The following SYT1 variants were observed in gnomAD, a reference collection of about 807,000 sequenced individuals.
SYT1 encodes synaptotagmin-1.
A neutral mutation model predicts 44.8 loss-of-function variants in SYT1; 8 were observed. The observed-to-expected ratio is 0.18, with a 90% CI of 0.10 to 0.32. The LOEUF (loss-of-function observed/expected upper bound fraction) is 0.32, where lower values mean the gene tolerates loss of function less well. SYT1 is among the 10% of genes least tolerant of loss of function. SYT1 has a pLI of 1.00. For synonymous variants in SYT1, 154 were observed against 188.8 expected (o/e 0.82, Z 1.51); for missense variants, 286 against 509.3 (o/e 0.56, Z 4.22).
At chr12:79,119,858 A>G in intron 3 of SYT1, among the ~76,000 whole-genome samples, 1 of 151,984 alleles carries the variant, frequency 6.6e-6, no homozygotes, top group South Asian at 2.1e-4. Flanking sequence ...TTGAGTAAGG[A>G]CAGAAGCTAA....
chr12:78,930,915 T>A (rs11111924), intron 1 of SYT1, among the ~76,000 whole-genome samples: 10 of 151,770 alleles, frequency 6.6e-5, no homozygotes, highest in African/African-American at 2.4e-4. Flanking sequence ...GGAAATAATG[T>A]GTTGCTATAC....
chr12:79,186,375 A>G (rs2138431771), intron 3 of SYT1, among the ~76,000 whole-genome samples: 1 of 152,050 alleles, frequency 6.6e-6, no homozygotes, highest in Non-Finnish European at 1.5e-5. Flanking sequence ...CTAGTCTTAC[A>G]TTGCTTGACA....
At chr12:79,172,268 C>A (rs984995841) in intron 3 of SYT1, among the ~76,000 whole-genome samples, 4 of 151,724 alleles carry the variant, frequency 2.6e-5, no homozygotes, top group African/African-American at 9.7e-5. Flanking sequence ...CATTGAATAA[C>A]CTAACTTTAG....
chr12:78,950,887 G>C (rs1350217301), intron 1 of SYT1, among the ~76,000 whole-genome samples: 1 of 152,102 alleles, frequency 6.6e-6, no homozygotes, highest in African/African-American at 2.4e-5. Context: ...AGTTGCCATA[G>C]TGCTCTAGCC....
intron 9 of SYT1, among the ~76,000 whole-genome samples, chr12:79,363,911 A>C (rs1427905868): frequency 6.6e-6 from 1 of 152,124 alleles, no homozygotes; most frequent in Non-Finnish European, 1.5e-5. Flanking sequence ...GAGAGCAGGG[A>C]TTGTGTCTAC....
At chr12:79,293,846 T>C (rs1180529041) in intron 6 of SYT1, among the ~76,000 whole-genome samples, 1 of 152,182 alleles carries the variant, frequency 6.6e-6, no homozygotes, top group East Asian at 1.9e-4. Flanking sequence ...CATTATTGGT[T>C]TACAGGTTCA....
intron 3 of SYT1, among the ~76,000 whole-genome samples, chr12:79,171,042 T>C (rs111973435): frequency 3.9e-5 from 6 of 152,026 alleles, no homozygotes; most frequent in African/African-American, 1.4e-4. Context: ...TTCTGTTCCA[T>C]TGGTCTATGT....
At chr12:78,923,900 T>C (rs185924435) in intron 1 of SYT1, among the ~76,000 whole-genome samples, 7 of 152,072 alleles carry the variant, frequency 4.6e-5, no homozygotes, top group African/African-American at 9.6e-5. Flanking sequence ...TCAGATTTCA[T>C]AGGTTTCCCA....
chr12:79,354,956 C>A (rs1474998149), intron 9 of SYT1, among the ~76,000 whole-genome samples: 1 of 152,082 alleles, frequency 6.6e-6, no homozygotes, highest in African/African-American at 2.4e-5. Flanking sequence ...GCCAACCATC[C>A]CCTCATAACC....
At chr12:79,019,077 T>G (rs889794486) in intron 2 of SYT1, among the ~76,000 whole-genome samples, 3 of 152,048 alleles carry the variant, frequency 2.0e-5, no homozygotes, top group African/African-American at 7.2e-5. Flanking sequence ...ATTTTATATT[T>G]CTTTATATCT....
intron 3 of SYT1, among the ~76,000 whole-genome samples, chr12:79,163,531 G>A (rs780205428): frequency 2.0e-5 from 3 of 152,030 alleles, no homozygotes; most frequent in Non-Finnish European, 2.9e-5. Context: ...TCTAAAGAAG[G>A]ACTTCACAGC....
chr12:78,865,143 G>A (rs1002115673), intron 1 of SYT1, 34 bp downstream of exon 1: 1 of 152,266 alleles, frequency 6.6e-6, no homozygotes. Context: ...CGGCCACCTC[G>A]GCGGTGCCTA....
Position 79,296,173 on chromosome 12 carries a change from A to G in SYT1, c.579A>G (p.Lys193=). ...KVFLLPDKKK[K]FETKVHRKTL... is the part of the protein sequence containing the mutation. ...TTCTGCTACCTGATAAGAAGAAGAA[A>G]TTTGAGACAAAAGTCCACCGAAAAA... The change falls in exon 7 of 11, where the codon AAA becomes AAG. Residue 193 remains lysine, a synonymous_variant. Transcript: ENST00000261205. 1.2e-6 allele frequency: 2 copies of G among 1,614,112 alleles called. No individual in the cohort carries two copies. Among genetic ancestry groups the G allele is most frequent in the Non-Finnish European group, 1.7e-6 (2 of 1,179,998 alleles).
intron 3 of SYT1, among the ~76,000 whole-genome samples, chr12:79,205,617 A>G (rs1233024989): frequency 1.3e-5 from 2 of 152,204 alleles, no homozygotes; most frequent in African/African-American, 4.8e-5. Context: ...TCAGGTTTGT[A>G]TAAAACCTTC....
chr12:79,190,051 A>C (rs995121040), intron 3 of SYT1, among the ~76,000 whole-genome samples: 2 of 152,138 alleles, frequency 1.3e-5, no homozygotes, highest in African/African-American at 4.8e-5. Flanking sequence ...CTGGTGGAAG[A>C]CCTCTGCCTT....
intron 4 of SYT1, among the ~76,000 whole-genome samples, chr12:79,239,015 T>C (rs899025418): frequency 1.3e-5 from 2 of 152,258 alleles, no homozygotes; most frequent in South Asian, 4.1e-4. Context: ...ATTTGCCTTA[T>C]TCTTCCAAAT....
At chr12:79,161,304 A>C (rs942026312) in intron 3 of SYT1, among the ~76,000 whole-genome samples, 2 of 152,168 alleles carry the variant, frequency 1.3e-5, no homozygotes, top group Admixed American at 1.3e-4. Flanking sequence ...ATACATTTAA[A>C]GTACAAATAC....
chr12:78,904,977 C>G lies in SYT1; in HGVS notation c.-217+39868C>G, dbSNP rs1464478234. Among the ~76,000 whole-genome samples the G allele has an allele frequency of 2.0e-5, 3 of 152,188 alleles. No individual in the cohort carries two copies. The East Asian group carries it at 5.8e-4, about 29-fold the overall frequency. ...AGTCTCAATTATCATTGTATTTAAT[C>G]ATCTTATAATAAGAAGGCCAAATAT... is the stretch of plus-strand genomic sequence containing the variant. On this transcript the variant is annotated intron_variant, in intron 1 of 10. Coordinates refer to ENST00000261205, the MANE Select transcript of SYT1 (RefSeq NM_005639.3).
chr12:78,942,687 G>A (rs12819812), intron 1 of SYT1, among the ~76,000 whole-genome samples: 2 of 152,180 alleles, frequency 1.3e-5, no homozygotes, highest in Non-Finnish European at 2.9e-5. Flanking sequence ...TAGGGTATTA[G>A]TTCAGTCTCT....
Sources: allele counts gnomAD v4.1 joint callset (sites outside exome capture counted in the v4.1 genomes callset), GRCh38; gene constraint gnomAD v4.1.1; transcripts MANE v1.5; gene names NCBI Gene and HGNC (gene_info 2026-07-23, HGNC 2026-07-21).